The following SLC17A5 variants were observed in gnomAD, a reference collection of about 807,000 sequenced individuals.
SLC17A5 encodes sialin.
A neutral mutation model predicts 59.4 loss-of-function variants in SLC17A5; 47 were observed. The ratio of observed to expected loss-of-function variants is 0.79; its 90% CI spans 0.63 to 1.01. The LOEUF (loss-of-function observed/expected upper bound fraction) is 1.01. Among genes scored for constraint, SLC17A5 ranks in the 50% least tolerant of loss-of-function variants. The pLI, the probability that SLC17A5 is intolerant of heterozygous loss-of-function variation, is 0.00. For synonymous variants in SLC17A5, 202 were observed against 210.7 expected (o/e 0.96, Z 0.36); for missense variants, 522 against 595.5 (o/e 0.88, Z 1.28).
At chr6:73,645,615 C>T (rs1444645342) in intron 1 of SLC17A5, 4 of 385,504 alleles carry the variant, frequency 1.0e-5, no homozygotes, top group African/African-American at 2.2e-5. Context: ...GGTGAAACCC[C>T]GTCTCTACTA....
chr6:73,626,618 T>C (rs1768430975), intron 6 of SLC17A5, among the ~76,000 whole-genome samples: 1 of 152,224 alleles, frequency 6.6e-6, no homozygotes, highest in South Asian at 2.1e-4. Context: ...AGTAGAACTT[T>C]CCATGATGAT....
intron 3 of SLC17A5, among the ~76,000 whole-genome samples, chr6:73,640,555 G>A (rs1001536752): frequency 1.3e-5 from 2 of 152,106 alleles, no homozygotes; most frequent in Non-Finnish European, 2.9e-5. Flanking sequence ...CTGGTCCAGT[G>A]TTCATTCCAA....
chr6:73,645,230 A>C, intron 1 of SLC17A5: 1 of 624,070 alleles, frequency 1.6e-6, no homozygotes, highest in Non-Finnish European at 2.0e-6. Context: ...AATGTAGCAT[A>C]GCAAAAAAAA....
chr6:73,610,275 C>T, intron 9 of SLC17A5, 125 bp downstream of exon 9: 5 of 1,088,254 alleles, frequency 4.6e-6, no homozygotes, highest in Admixed American at 1.8e-5. Context: ...CTCAGGTTAT[C>T]TGCCTGCCTT....
chr6:73,611,864 C>G (rs1438692979), intron 8 of SLC17A5, among the ~76,000 whole-genome samples: 1 of 151,880 alleles, frequency 6.6e-6, no homozygotes, highest in Admixed American at 6.6e-5. Context: ...GAGACAGGGT[C>G]TCACTGTCGT....
chr6:73,606,001 AAAT>A lies in SLC17A5; in HGVS notation c.1259+4396_1259+4398del, dbSNP rs1477267974. The stretch of plus-strand genomic sequence containing the variant: ...TCAAAAACAAAACAAAACAAAAAAC[AAAT>A]AATAATAATTTTGAATTTGATGAGA... On this transcript the variant is annotated intron_variant, in intron 9 of 10. Transcript: ENST00000355773. Among the ~76,000 whole-genome samples the A allele has an allele frequency of 3.3e-5, 5 of 152,150 alleles. No individual in the cohort carries two copies. In the South Asian group the frequency reaches 8.3e-4, roughly 25 times the overall value.
intron 10 of SLC17A5, among the ~76,000 whole-genome samples, chr6:73,596,422 TG>T (rs1766801764): frequency 6.6e-6 from 1 of 152,176 alleles, no homozygotes; most frequent in Non-Finnish European, 1.5e-5. Flanking sequence ...GTAAGACAAC[TG>T]TTCAGTGTAT....
intron 1 of SLC17A5, among the ~76,000 whole-genome samples, chr6:73,650,682 GAGATCCTGAAA>G (rs1242711537): frequency 6.7e-6 from 1 of 148,620 alleles, no homozygotes; most frequent in Non-Finnish European, 1.5e-5. Context: ...GCAACAGAGT[GAGATCCTGAAA>G]AAAAAAAAAA....
intron 2 of SLC17A5, 21 bp from the exon 3 acceptor site, chr6:73,641,945 T>G (rs373079924): frequency 1.3e-6 from 2 of 1,594,918 alleles, no homozygotes; most frequent in Non-Finnish European, 1.7e-6. Context: ...CAGAAAAGAA[T>G]AAAACAATCC....
intron 1 of SLC17A5, among the ~76,000 whole-genome samples, chr6:73,646,864 C>T (rs518566): frequency 1.3e-5 from 2 of 151,992 alleles, no homozygotes. Context: ...CTTGTAGAGT[C>T]GGGGTCTCAC....
In SLC17A5 at chr6:73,593,604, C is replaced by T. The variant is rs1360489603; in HGVS notation, c.*1473G>A. On this transcript the variant is annotated 3_prime_UTR_variant, in exon 11 of 11. Coordinates refer to ENST00000355773, the MANE Select transcript of SLC17A5 (RefSeq NM_012434.5). ...ACCACAGCCACTGGAGGATGGTCCACTGGAAAAATATGATTTCAGGAACCA... is the reference window on the plus strand; with the variant it reads ...ACCACAGCCACTGGAGGATGGTCCATTGGAAAAATATGATTTCAGGAACCA... 2 of 152,182 alleles carry T rather than the reference C, an allele frequency of 1.3e-5. No individual in the cohort carries two copies. The highest frequency in any genetic ancestry group is 2.9e-5 in the Non-Finnish European group (2 of 68,042). 9.4% of individuals were successfully genotyped at this position (152,182 alleles called of 1,614,324 possible).
intron 3 of SLC17A5, among the ~76,000 whole-genome samples, chr6:73,639,738 T>C (rs1265563502): frequency 6.6e-6 from 1 of 152,214 alleles, no homozygotes; most frequent in Non-Finnish European, 1.5e-5. Context: ...TGAGTATAAA[T>C]ACAACTTAAA....
At chr6:73,614,036 C>T (rs149889587) in intron 8 of SLC17A5, among the ~76,000 whole-genome samples, 401 of 152,234 alleles carry the variant, frequency 2.6e-3, no homozygotes, top group African/African-American at 9.0e-3. Context: ...GAGGCCAAGG[C>T]GGGCAGATGA....
chr6:73,632,761 A>C lies in SLC17A5; in HGVS notation c.819+2621T>G, dbSNP rs1397340310. Among the ~76,000 whole-genome samples, 29 of 151,712 alleles carry C rather than the reference A, an allele frequency of 1.9e-4. 1 individual carries two copies. Among genetic ancestry groups the C allele is most frequent in the Admixed American group, 1.8e-3 (28 of 15,236 alleles). ...CTGGCCAAGGGAAAGCTTTTTAAAA[A>C]ATTTAAACAAACTCAAAAGTTTTAT... On this transcript the variant is annotated intron_variant, in intron 6 of 10. Coordinates refer to ENST00000355773, the MANE Select transcript of SLC17A5 (RefSeq NM_012434.5).
intron 10 of SLC17A5, among the ~76,000 whole-genome samples, chr6:73,596,851 C>G (rs1384600735): frequency 9.7e-6 from 1 of 102,874 alleles, no homozygotes; most frequent in Non-Finnish European, 2.1e-5. Context: ...AGCAAGACTC[C>G]CTCTCAAAAA....
At chr6:73,616,701 T>C (rs568305796) in intron 7 of SLC17A5, among the ~76,000 whole-genome samples, 1 of 151,634 alleles carries the variant, frequency 6.6e-6, no homozygotes, top group East Asian at 2.0e-4. Flanking sequence ...CTCCACCTTC[T>C]GGGTTCCAGC....
In SLC17A5 at chr6:73,601,171, T is replaced by C. The variant is rs1487244774; in HGVS notation, c.1260-730A>G. Among the ~76,000 whole-genome samples the C allele has an allele frequency of 3.6e-5, 5 of 137,420 alleles. No homozygotes were observed. The East Asian group carries it at 1.1e-3, about 31-fold the overall frequency. 90.2% of individuals were successfully genotyped at this position (137,420 alleles called of 152,430 possible). ...CTGCCCGGCCGCCCATCGTCTGAGA[T>C]GTGGGGAGCGCCTCTGCCCCGCCGC... On this transcript the variant is annotated intron_variant, in intron 9 of 10. Coordinates refer to ENST00000355773, the MANE Select transcript of SLC17A5 (RefSeq NM_012434.5).
At chr6:73,641,998 T>G in intron 2 of SLC17A5, 74 bp from the exon 3 acceptor site, 1 of 1,257,764 alleles carries the variant, frequency 8.0e-7, no homozygotes, top group Admixed American at 1.7e-5. Context: ...TACTGGCATG[T>G]AAGTACATAT....
Position 73,645,466 on chromosome 6 carries a change from G to C in SLC17A5, c.95-863C>G, listed in dbSNP as rs1472911415. 8 of 985,100 alleles carry C rather than the reference G, an allele frequency of 8.1e-6. No individual in the cohort carries two copies. In the Admixed American group the frequency reaches 3.1e-4, roughly 38 times the overall value. 61.0% of individuals were successfully genotyped at this position (985,100 alleles called of 1,614,324 possible). A position where few individuals can be genotyped will look rare whatever the true frequency, so the allele number is the denominator to read the frequency against. On this transcript the variant is annotated intron_variant, in intron 1 of 10. Transcript: ENST00000355773. ...GCGTAAAGGGCTCACAGTAAAAAGG[G>C]AAATCAGTGAATGTACCACCATGAT...
Sources: allele counts gnomAD v4.1 joint callset (sites outside exome capture counted in the v4.1 genomes callset), GRCh38; gene constraint gnomAD v4.1.1; transcripts MANE v1.5; gene names NCBI Gene and HGNC (gene_info 2026-07-23, HGNC 2026-07-21).